CSMD1: variants seen among roughly 807,000 people sequenced by gnomAD.
CSMD1 encodes the protein CUB and sushi domain-containing protein 1.
In CSMD1, 213 loss-of-function variants were observed where a neutral mutation model predicts 417.5. The observed-to-expected ratio is 0.51, with a 90% CI of 0.46 to 0.57. The LOEUF (loss-of-function observed/expected upper bound fraction) is 0.57. Ranked by LOEUF, CSMD1 falls within the 20% of genes least tolerant of loss-of-function variation. The pLI, the probability that CSMD1 is intolerant of heterozygous loss-of-function variation, is 0.00. For synonymous variants in CSMD1, 2,862 were observed against 1,736.8 expected, an observed-to-expected ratio of 1.65 and a Z score of -16.11; for missense variants, 6,923 against 4,529.7, an observed-to-expected ratio of 1.53 and a Z score of -15.17.
Position 3,395,540 on chromosome 8 carries a change from G to A in CSMD1, c.2593+654C>T, listed in dbSNP as rs182380033. Among the ~76,000 whole-genome samples, 116 of 152,028 alleles carry A rather than the reference G, an allele frequency of 7.6e-4. 2 individuals are homozygous for A. Among genetic ancestry groups the A allele is most frequent in the Non-Finnish European group, 5.9e-4 (40 of 68,010 alleles). On this transcript the variant is annotated intron_variant, in intron 17 of 69. Coordinates refer to ENST00000635120, the MANE Select transcript of CSMD1 (RefSeq NM_033225.6). ...TAAAACTTTGATTTCAGTAAACAAG[G>A]GCAGGAAAACTTTCCATGTGGAAGT...
intron 5 of CSMD1, among the ~76,000 whole-genome samples, chr8:3,946,796 T>C (rs1183789115): frequency 3.3e-5 from 5 of 152,168 alleles, no homozygotes; most frequent in Non-Finnish European, 7.4e-5. Context: ...TTCTTAAATT[T>C]ATTACTAAAT....
At chr8:3,742,355 C>T (rs903867282) in intron 6 of CSMD1, among the ~76,000 whole-genome samples, 20 of 152,074 alleles carry the variant, frequency 1.3e-4, no homozygotes, top group South Asian at 2.1e-4. Flanking sequence ...ATTTCAGTGG[C>T]GAATCTGACC....
chr8:4,328,418 T>G (rs1431776357), intron 3 of CSMD1, among the ~76,000 whole-genome samples: 1 of 152,160 alleles, frequency 6.6e-6, no homozygotes, highest in East Asian at 1.9e-4. Context: ...TTGAGTAGTT[T>G]TAATTTCTTA....
intron 2 of CSMD1, among the ~76,000 whole-genome samples, chr8:4,625,867 G>A (rs138146285): frequency 6.6e-4 from 100 of 152,092 alleles, no homozygotes; most frequent in African/African-American, 2.2e-3. Flanking sequence ...GGGACTACAG[G>A]TACACACCCC....
intron 52 of CSMD1, among the ~76,000 whole-genome samples, chr8:3,005,783 G>C (rs1191143144): frequency 2.0e-5 from 3 of 151,956 alleles, no homozygotes; most frequent in East Asian, 3.9e-4. Context: ...AAAATAATAA[G>C]AGCTATCTAT....
intron 9 of CSMD1, among the ~76,000 whole-genome samples, chr8:3,583,357 G>C (rs139210515): frequency 6.6e-6 from 1 of 152,076 alleles, no homozygotes; most frequent in Non-Finnish European, 1.5e-5. Context: ...GAGTGTCATA[G>C]AGAAGGCCTC....
At chr8:4,716,502 A>C (rs1808668306) in intron 1 of CSMD1, among the ~76,000 whole-genome samples, 1 of 152,224 alleles carries the variant, frequency 6.6e-6, no homozygotes, top group Non-Finnish European at 1.5e-5. Flanking sequence ...ATAATACTTC[A>C]ACATCCATTA....
At chr8:3,739,278 T>A (rs1231228945) in intron 6 of CSMD1, among the ~76,000 whole-genome samples, 2 of 152,236 alleles carry the variant, frequency 1.3e-5, no homozygotes, top group Non-Finnish European at 2.9e-5. Context: ...AGCTGTAGAT[T>A]GTCTTTAGAA....
chr8:3,060,054 G>C (rs964785958), intron 49 of CSMD1, among the ~76,000 whole-genome samples: 4 of 152,034 alleles, frequency 2.6e-5, no homozygotes, highest in African/African-American at 9.7e-5. Context: ...CCGCAAACTG[G>C]AATAAAGTAC....
At chr8:3,520,409 C>A (rs1329651249) in intron 10 of CSMD1, among the ~76,000 whole-genome samples, 1 of 152,076 alleles carries the variant, frequency 6.6e-6, no homozygotes, top group Non-Finnish European at 1.5e-5. Flanking sequence ...TATATCATCA[C>A]ATACAGCTAA....
chr8:4,579,865 A>C (rs1051382729), intron 2 of CSMD1, among the ~76,000 whole-genome samples: 3 of 152,136 alleles, frequency 2.0e-5, no homozygotes, highest in Non-Finnish European at 4.4e-5. Context: ...CCAAGTGTAA[A>C]ACTTTACCTA....
intron 7 of CSMD1, among the ~76,000 whole-genome samples, chr8:3,661,004 C>G (rs148719609): frequency 2.0e-5 from 3 of 152,152 alleles, no homozygotes; most frequent in Admixed American, 6.5e-5. Flanking sequence ...CAGCACCCAG[C>G]GTCAACTGCT....
chr8:3,448,107 G>A (rs367657223), intron 12 of CSMD1, among the ~76,000 whole-genome samples: 2 of 151,646 alleles, frequency 1.3e-5, no homozygotes, highest in Admixed American at 6.6e-5. Flanking sequence ...AGAAGGGTAA[G>A]AGAATATTAG....
chr8:4,686,881 C>T (rs1189783004), intron 1 of CSMD1, among the ~76,000 whole-genome samples: 1 of 152,148 alleles, frequency 6.6e-6, no homozygotes, highest in Non-Finnish European at 1.5e-5. Context: ...CAGGCGATGG[C>T]CCAAGACCAG....
At chr8:3,617,379 T>G (rs1802192853) in intron 7 of CSMD1, among the ~76,000 whole-genome samples, 1 of 152,238 alleles carries the variant, frequency 6.6e-6, no homozygotes, top group Admixed American at 6.5e-5. Flanking sequence ...GAATAATTTC[T>G]AAAGAACTCA....
intron 1 of CSMD1, among the ~76,000 whole-genome samples, chr8:4,987,872 G>A (rs966678821): frequency 2.0e-5 from 3 of 152,174 alleles, no homozygotes; most frequent in Non-Finnish European, 4.4e-5. Flanking sequence ...ACTCTAAGGT[G>A]TTCACCTATT....
At chr8:3,755,360 T>C (rs1158606158) in intron 5 of CSMD1, among the ~76,000 whole-genome samples, 1 of 152,244 alleles carries the variant, frequency 6.6e-6, no homozygotes, top group Non-Finnish European at 1.5e-5. Context: ...CATGTAAATG[T>C]ACCTGAAGCA....
At chr8:3,937,827 T>C (rs1810611825) in intron 5 of CSMD1, among the ~76,000 whole-genome samples, 1 of 152,166 alleles carries the variant, frequency 6.6e-6, no homozygotes, top group South Asian at 2.1e-4. Context: ...ACAGGAAATT[T>C]TATGATTTAA....
chr8:4,622,497 G>C (rs1264187581), intron 2 of CSMD1, among the ~76,000 whole-genome samples: 1 of 152,126 alleles, frequency 6.6e-6, no homozygotes, highest in African/African-American at 2.4e-5. Context: ...GCAGAAATTA[G>C]TAAGAATGTC....
Sources: allele counts gnomAD v4.1 joint callset (sites outside exome capture counted in the v4.1 genomes callset), GRCh38; gene constraint gnomAD v4.1.1; transcripts MANE v1.5; gene names NCBI Gene and HGNC (gene_info 2026-07-23, HGNC 2026-07-21).